The following PPFIA2 variants were observed in gnomAD, a reference collection of about 807,000 sequenced individuals.
PPFIA2 encodes the protein PPFI scaffold protein A2.
Under a neutral mutation model 175.5 loss-of-function variants are expected in PPFIA2, and 46 were observed. The ratio of observed to expected loss-of-function variants is 0.26; its 90% CI spans 0.21 to 0.34. The LOEUF is 0.34. PPFIA2 is among the 10% of genes least tolerant of loss of function. The probability of loss-of-function intolerance (pLI) is 1.00; values close to 1 mark genes in which losing one functional copy is unlikely to be tolerated. For synonymous variants in PPFIA2, 568 were observed against 511.4 expected, an observed-to-expected ratio of 1.11 and a Z score of -1.49; for missense variants, 1,179 against 1,506.1, an observed-to-expected ratio of 0.78 and a Z score of 3.60.
intron 7 of PPFIA2, among the ~76,000 whole-genome samples, chr12:81,436,672 G>A (rs1310938363): frequency 6.6e-6 from 1 of 152,086 alleles, no homozygotes; most frequent in African/African-American, 2.4e-5. Flanking sequence ...CAAACTGCAA[G>A]TGTCTTCTGA....
chr12:81,363,686 C>A (rs2031941935), intron 14 of PPFIA2, among the ~76,000 whole-genome samples: 1 of 151,314 alleles, frequency 6.6e-6, no homozygotes, highest in African/African-American at 2.4e-5. Flanking sequence ...CTTTTCTGTT[C>A]TTTTTATTCT....
chr12:81,262,095 C>G, intron 31 of PPFIA2, 55 bp from the exon 32 acceptor site: 1 of 1,200,664 alleles, frequency 8.3e-7, no homozygotes. Context: ...TACAAGATTT[C>G]AGATGAGAAA....
At chr12:81,566,530 C>CAAA (rs3075452) in intron 4 of PPFIA2, among the ~76,000 whole-genome samples, 276 of 68,398 alleles carry the variant, frequency 4.0e-3, no homozygotes, top group East Asian at 5.1e-3. Context: ...GACTCCAACT[C>CAAA]AAAAAAAAAA....
chr12:81,753,556 G>A (rs1393841526), intron 3 of PPFIA2, among the ~76,000 whole-genome samples: 1 of 148,516 alleles, frequency 6.7e-6, no homozygotes, highest in Non-Finnish European at 1.5e-5. Flanking sequence ...TTGGACACGA[G>A]ACTTCCAAAG....
chr12:81,716,836 C>T (rs147291300), intron 3 of PPFIA2, among the ~76,000 whole-genome samples: 12 of 151,298 alleles, frequency 7.9e-5, no homozygotes, highest in East Asian at 7.8e-4. Flanking sequence ...GAAAGAGGTG[C>T]GAATGCTTTG....
At chr12:81,337,092 G>GT (rs1190019360) in intron 21 of PPFIA2, among the ~76,000 whole-genome samples, 1 of 152,008 alleles carries the variant, frequency 6.6e-6, no homozygotes, top group Admixed American at 6.6e-5. Context: ...TGCAAATATG[G>GT]TTTTCTGGAA....
intron 30 of PPFIA2, among the ~76,000 whole-genome samples, chr12:81,263,670 A>G (rs1483891307): frequency 6.6e-6 from 1 of 152,204 alleles, no homozygotes; most frequent in Non-Finnish European, 1.5e-5. Flanking sequence ...ATAAGCAACC[A>G]ATGTTTTCCA....
intron 3 of PPFIA2, among the ~76,000 whole-genome samples, chr12:81,689,016 T>C (rs948723767): frequency 6.6e-6 from 1 of 151,540 alleles, no homozygotes; most frequent in Non-Finnish European, 1.5e-5. Flanking sequence ...AAAATTGGCA[T>C]AGGATTTTCA....
Position 81,758,484 on chromosome 12 carries a change from A to C in PPFIA2, c.-87T>G, listed in dbSNP as rs2085038768. ...CGGCTTGAGGAGAAGGGAGGCTCAC[A>C]CCCAGCACTCCTGGACCATTTCCCT... On this transcript the variant is annotated 5_prime_UTR_variant, in exon 2 of 33. Transcript: ENST00000549396. The C allele has an allele frequency of 2.2e-6, 1 of 456,260 alleles. No individual in the cohort carries two copies. The highest frequency in any genetic ancestry group is 2.4e-5 in the Admixed American group (1 of 42,528). The allele number at this position is 456,260 out of a possible 1,614,324, so 28.3% of individuals were successfully genotyped here. A position where few individuals can be genotyped will look rare whatever the true frequency, so the allele number is the denominator to read the frequency against.
At chr12:81,303,907 G>C (rs932575828) in intron 22 of PPFIA2, among the ~76,000 whole-genome samples, 1 of 152,172 alleles carries the variant, frequency 6.6e-6, no homozygotes, top group Admixed American at 6.5e-5. Flanking sequence ...AACTCTGGTT[G>C]AATGACTAAA....
intron 4 of PPFIA2, among the ~76,000 whole-genome samples, chr12:81,555,813 G>A (rs943772589): frequency 1.3e-5 from 2 of 151,800 alleles, no homozygotes; most frequent in Admixed American, 6.6e-5. Context: ...CAATAAAAAG[G>A]TACAGACTTG....
At chr12:81,394,143 C>T (rs1033421507) in intron 8 of PPFIA2, among the ~76,000 whole-genome samples, 4 of 151,884 alleles carry the variant, frequency 2.6e-5, no homozygotes, top group East Asian at 1.9e-4. Context: ...GAATTGTAAA[C>T]AAACAAAAAA....
intron 4 of PPFIA2, among the ~76,000 whole-genome samples, chr12:81,503,206 A>C (rs1459874857): frequency 6.6e-6 from 1 of 151,880 alleles, no homozygotes; most frequent in African/African-American, 2.4e-5. Context: ...CAACCTTCTA[A>C]CTGATTTTTT....
At chr12:81,266,762 A>T (rs1014401623) in intron 30 of PPFIA2, among the ~76,000 whole-genome samples, 190 bp downstream of exon 30, 2 of 152,194 alleles carry the variant, frequency 1.3e-5, no homozygotes, top group African/African-American at 4.8e-5. Flanking sequence ...AATATTTATG[A>T]ATTAATATAG....
chr12:81,659,669 G>C (rs2068454033), intron 4 of PPFIA2, among the ~76,000 whole-genome samples: 1 of 152,180 alleles, frequency 6.6e-6, no homozygotes, highest in South Asian at 2.1e-4. Flanking sequence ...AACCTCTGCA[G>C]ACTTTAATGT....
At chr12:81,653,103 C>T (rs1428706910) in intron 4 of PPFIA2, among the ~76,000 whole-genome samples, 4 of 152,096 alleles carry the variant, frequency 2.6e-5, no homozygotes, top group African/African-American at 9.7e-5. Context: ...TAGCCTAGCC[C>T]TTTACCAGAT....
chr12:81,712,060 A>G (rs1411107003), intron 3 of PPFIA2, among the ~76,000 whole-genome samples: 1 of 151,272 alleles, frequency 6.6e-6, no homozygotes. Flanking sequence ...ACTTACAGAT[A>G]TATTATATTT....
intron 7 of PPFIA2, among the ~76,000 whole-genome samples, chr12:81,438,849 G>A (rs2049594861): frequency 6.6e-6 from 1 of 152,042 alleles, no homozygotes; most frequent in South Asian, 2.1e-4. Flanking sequence ...ATTTTGAAAT[G>A]TATATTAGAT....
intron 15 of PPFIA2, among the ~76,000 whole-genome samples, chr12:81,361,111 T>C (rs898329427): frequency 6.6e-6 from 1 of 151,686 alleles, no homozygotes; most frequent in Non-Finnish European, 1.5e-5. Flanking sequence ...CAAATCATCC[T>C]TCATTGTAGA....
Sources: gnomAD v4.1 joint callset for allele counts (sites outside exome capture counted in the v4.1 genomes callset) on GRCh38, gnomAD v4.1.1 for gene constraint, MANE v1.5 for transcripts, NCBI Gene and HGNC (gene_info 2026-07-23, HGNC 2026-07-21) for gene names.